DAB1: variants seen among roughly 807,000 people sequenced by gnomAD.
DAB1 encodes the protein DAB adaptor protein 1.
Under a neutral mutation model 64.6 loss-of-function variants are expected in DAB1, and 15 were observed. That is an observed-to-expected ratio of 0.23 (90% confidence interval 0.16 to 0.36). The LOEUF (loss-of-function observed/expected upper bound fraction) is 0.36, where lower values mean the gene tolerates loss of function less well. DAB1 is among the 10% of genes least tolerant of loss of function. DAB1 has a pLI of 1.00. For missense variants in DAB1, 596 were observed against 706.7 expected, an observed-to-expected ratio of 0.84 and a Z score of 1.78; for synonymous variants, 235 against 251.9, an observed-to-expected ratio of 0.93 and a Z score of 0.64.
chr1:57,323,973 A>G (rs111841968), intron 1 of DAB1, among the ~76,000 whole-genome samples: 258 of 152,262 alleles, frequency 1.7e-3, no homozygotes, highest in African/African-American at 5.6e-3. Context: ...ACACAGCCCA[A>G]CTTGCTCAGA....
intron 4 of DAB1, among the ~76,000 whole-genome samples, chr1:58,323,086 A>C: frequency 8.3e-6 from 1 of 121,084 alleles, no homozygotes; most frequent in South Asian, 2.9e-4. Context: ...ATGCGTTCCT[A>C]TTGTGGGGTG....
chr1:58,442,604 T>C (rs1645023880), intron 3 of DAB1, among the ~76,000 whole-genome samples: 1 of 152,184 alleles, frequency 6.6e-6, no homozygotes, highest in East Asian at 1.9e-4. Flanking sequence ...AAAGTGTAAT[T>C]TGGAACATCA....
intron 7 of DAB1, among the ~76,000 whole-genome samples, chr1:57,573,623 G>T (rs79416688): frequency 0.012 from 1,814 of 152,234 alleles, 50 homozygotes; most frequent in African/African-American, 0.042. Context: ...AACTATGTCT[G>T]ATAAGTATTC....
At chr1:57,226,030 ACTT>A (rs1232701986) in intron 2 of DAB1, among the ~76,000 whole-genome samples, 1 of 151,792 alleles carries the variant, frequency 6.6e-6, no homozygotes, top group Admixed American at 6.6e-5. Context: ...ATTCTCCTAG[ACTT>A]CTTCTCCCTC....
At chr1:57,743,128 G>T (rs1199341929) in intron 6 of DAB1, among the ~76,000 whole-genome samples, 1 of 152,140 alleles carries the variant, frequency 6.6e-6, no homozygotes, top group African/African-American at 2.4e-5. Flanking sequence ...TTCAGAAAGG[G>T]TACTGTCAGG....
chr1:57,494,740 T>C (rs927080074), intron 7 of DAB1, among the ~76,000 whole-genome samples: 3 of 152,210 alleles, frequency 2.0e-5, no homozygotes, highest in Non-Finnish European at 4.4e-5. Flanking sequence ...CTCGTCTCAA[T>C]ATAATTAGGC....
At chr1:57,960,585 A>T (rs1006642790) in intron 5 of DAB1, among the ~76,000 whole-genome samples, 4 of 152,128 alleles carry the variant, frequency 2.6e-5, no homozygotes, top group African/African-American at 4.8e-5. Flanking sequence ...TACTATTTTT[A>T]TTCAGTAGTA....
intron 1 of DAB1, among the ~76,000 whole-genome samples, chr1:57,861,911 T>C (rs1407244625): frequency 6.6e-6 from 1 of 152,054 alleles, no homozygotes; most frequent in African/African-American, 2.4e-5. Flanking sequence ...AGTATTTCTC[T>C]GAAGGTAGCA....
intron 6 of DAB1, among the ~76,000 whole-genome samples, chr1:57,704,323 G>C (rs1434817151): frequency 6.6e-6 from 1 of 152,118 alleles, no homozygotes; most frequent in Non-Finnish European, 1.5e-5. Context: ...TCTCCAGTTT[G>C]CTGCACTCCC....
chr1:58,122,478 G>A (rs1652810972), intron 5 of DAB1, among the ~76,000 whole-genome samples: 1 of 152,152 alleles, frequency 6.6e-6, no homozygotes, highest in East Asian at 1.9e-4. Flanking sequence ...CAAATGAGAT[G>A]ATGTATGTGG....
intron 5 of DAB1, among the ~76,000 whole-genome samples, chr1:58,056,978 T>G (rs1343839548): frequency 6.6e-6 from 1 of 151,754 alleles, no homozygotes; most frequent in African/African-American, 2.4e-5. Flanking sequence ...CCCTATACTC[T>G]GCTCACTTAA....
chr1:57,324,985 G>A (rs921939231), intron 1 of DAB1, among the ~76,000 whole-genome samples: 2 of 152,202 alleles, frequency 1.3e-5, no homozygotes, highest in African/African-American at 2.4e-5. Flanking sequence ...TACCTTTGAT[G>A]CCCTGCACAG....
At chr1:57,057,869 A>C (rs886562493) in intron 9 of DAB1, among the ~76,000 whole-genome samples, 1 of 151,948 alleles carries the variant, frequency 6.6e-6, no homozygotes, top group Non-Finnish European at 1.5e-5. Context: ...TGGCCTCCCA[A>C]AGTGCTGGGA....
intron 5 of DAB1, chr1:58,048,066 A>T (rs1380228871): frequency 8.5e-6 from 6 of 706,232 alleles, no homozygotes; most frequent in Non-Finnish European, 1.3e-5. Flanking sequence ...TCTTTGCAGC[A>T]GCTAGGCCCT....
At chr1:57,314,917 G>C (rs1414565079) in intron 1 of DAB1, among the ~76,000 whole-genome samples, 2 of 152,078 alleles carry the variant, frequency 1.3e-5, no homozygotes, top group Non-Finnish European at 2.9e-5. Flanking sequence ...TAATATAATA[G>C]TCCCTGATCC....
intron 7 of DAB1, among the ~76,000 whole-genome samples, chr1:57,636,267 C>T (rs1297958743): frequency 6.6e-6 from 1 of 152,044 alleles, no homozygotes; most frequent in Admixed American, 6.5e-5. Context: ...CACCAGAAAC[C>T]AAATTTGCTG....
chr1:58,018,718 A>G (rs1434316340), intron 5 of DAB1, among the ~76,000 whole-genome samples: 1 of 152,240 alleles, frequency 6.6e-6, no homozygotes, highest in African/African-American at 2.4e-5. Context: ...AATTGTTTTC[A>G]TAATCACTTC....
intron 1 of DAB1, among the ~76,000 whole-genome samples, chr1:57,345,180 A>G (rs1677978546): frequency 2.0e-5 from 3 of 152,212 alleles, no homozygotes; most frequent in Admixed American, 1.3e-4. Context: ...AGATTGTAAC[A>G]GAGGGAACAC....
chr1:58,026,997 C>A (rs1646904709), intron 5 of DAB1, among the ~76,000 whole-genome samples: 1 of 152,158 alleles, frequency 6.6e-6, no homozygotes, highest in African/African-American at 2.4e-5. Flanking sequence ...TTGGCCCAGG[C>A]CTGGAAACTC....
Sources: gnomAD v4.1 joint callset for allele counts (sites outside exome capture counted in the v4.1 genomes callset) on GRCh38, gnomAD v4.1.1 for gene constraint, MANE v1.5 for transcripts, NCBI Gene and HGNC (gene_info 2026-07-23, HGNC 2026-07-21) for gene names.